The following GABRB1 variants were observed in gnomAD, a reference collection of about 807,000 sequenced individuals.
The protein encoded by GABRB1 is gamma-aminobutyric acid receptor subunit beta-1.
Under a neutral mutation model 51.6 loss-of-function variants are expected in GABRB1, and 17 were observed. The observed-to-expected ratio is 0.33, with a 90% CI of 0.23 to 0.49. GABRB1 has a LOEUF of 0.49. Among genes scored for constraint, GABRB1 ranks in the 20% least tolerant of loss-of-function variants. The pLI is 0.99. For missense variants in GABRB1, 410 were observed against 600.6 expected, an observed-to-expected ratio of 0.68 and a Z score of 3.32; for synonymous variants, 247 against 218.9, an observed-to-expected ratio of 1.13 and a Z score of -1.14.
At chr4:47,287,367 T>G (rs1456703652) in intron 4 of GABRB1, among the ~76,000 whole-genome samples, 1 of 152,248 alleles carries the variant, frequency 6.6e-6, no homozygotes, top group African/African-American at 2.4e-5. Flanking sequence ...TAGAAGCTAT[T>G]AAGGCATCAA....
At chr4:47,141,541 A>G (rs189544310) in intron 3 of GABRB1, among the ~76,000 whole-genome samples, 1 of 151,962 alleles carries the variant, frequency 6.6e-6, no homozygotes, top group Non-Finnish European at 1.5e-5. Flanking sequence ...TTTATGGACT[A>G]TGAAATTCAT....
At chr4:47,304,173 A>T (rs1284522196) in intron 4 of GABRB1, among the ~76,000 whole-genome samples, 1 of 151,960 alleles carries the variant, frequency 6.6e-6, no homozygotes, top group Non-Finnish European at 1.5e-5. Context: ...GACGGATTGC[A>T]GGATCATATG....
At chr4:47,200,426 G>A (rs1325871142) in intron 4 of GABRB1, among the ~76,000 whole-genome samples, 7 of 152,168 alleles carry the variant, frequency 4.6e-5, no homozygotes, top group African/African-American at 1.7e-4. Flanking sequence ...GAAGAGTTTG[G>A]AGTCTGATTA....
At chr4:47,250,347 T>C (rs1721938636) in intron 4 of GABRB1, among the ~76,000 whole-genome samples, 1 of 152,200 alleles carries the variant, frequency 6.6e-6, no homozygotes, top group Non-Finnish European at 1.5e-5. Flanking sequence ...TTTTCCTTTA[T>C]AGGTTACCTG....
chr4:47,279,591 A>G (rs553024396), intron 4 of GABRB1, among the ~76,000 whole-genome samples: 58 of 152,186 alleles, frequency 3.8e-4, no homozygotes, highest in African/African-American at 1.3e-3. Flanking sequence ...AGGTGCTGTA[A>G]TGGGGGTGCA....
intron 1 of GABRB1, among the ~76,000 whole-genome samples, chr4:47,002,066 G>T (rs920353672): frequency 1.5e-4 from 23 of 152,168 alleles, no homozygotes; most frequent in Non-Finnish European, 2.5e-4. Context: ...CTATTACTTA[G>T]ATTCTAAATT....
intron 4 of GABRB1, among the ~76,000 whole-genome samples, chr4:47,291,267 G>T (rs189368098): frequency 1.7e-4 from 26 of 152,156 alleles, no homozygotes; most frequent in African/African-American, 6.3e-4. Context: ...GTGTTGAGCC[G>T]GCGGGTGCAC....
chr4:47,301,379 G>A (rs1724253090), intron 4 of GABRB1, among the ~76,000 whole-genome samples: 1 of 152,156 alleles, frequency 6.6e-6, no homozygotes, highest in South Asian at 2.1e-4. Context: ...GCTCACACCT[G>A]TAATTCCAAC....
intron 1 of GABRB1, among the ~76,000 whole-genome samples, chr4:46,996,552 C>T (rs1001938367): frequency 2.0e-5 from 3 of 152,142 alleles, no homozygotes; most frequent in African/African-American, 7.2e-5. Context: ...TATCTCTCAT[C>T]AAGTTCTTAT....
At chr4:47,101,120 G>T (rs1714702472) in intron 3 of GABRB1, among the ~76,000 whole-genome samples, 1 of 152,000 alleles carries the variant, frequency 6.6e-6, no homozygotes, top group Non-Finnish European at 1.5e-5. Flanking sequence ...TCACCTGGTA[G>T]ACTCCCTTAG....
chr4:47,066,200 G>C (rs1727073438), intron 3 of GABRB1, among the ~76,000 whole-genome samples: 1 of 152,210 alleles, frequency 6.6e-6, no homozygotes, highest in Non-Finnish European at 1.5e-5. Context: ...TATTAAGTGT[G>C]CAATAGCATT....
chr4:47,347,502 T>C (rs765107320), intron 5 of GABRB1, among the ~76,000 whole-genome samples: 4 of 152,184 alleles, frequency 2.6e-5, no homozygotes, highest in African/African-American at 4.8e-5. Flanking sequence ...ATGCCGTATA[T>C]GCTGTTGCCA....
chr4:47,061,702 C>A (rs1256126231), intron 3 of GABRB1, among the ~76,000 whole-genome samples: 1 of 152,174 alleles, frequency 6.6e-6, no homozygotes, highest in Admixed American at 6.5e-5. Flanking sequence ...ACAGTGCAAG[C>A]AAACGTCTCG....
Position 47,008,853 on chromosome 4 carries a change from C to CTTTTTTTTTTTTTTTTTTTTTTT in GABRB1, c.-20+14934_-20+14956dup, listed in dbSNP as rs1491180948. On this transcript the variant is annotated intron_variant, in intron 1 of 3. Coordinates refer to the GABRB1 transcript ENST00000513567. ...ACCCTGTCACGCTATCAGATACTACCTTTTTTTTTTTTTTTTTTTTTTTTT... is the reference window on the plus strand; with the variant it reads ...ACCCTGTCACGCTATCAGATACTACCTTTTTTTTTTTTTTTTTTTTTTTTTTTTTTTTTTTTTTTTTTTTTTTT... Among the ~76,000 whole-genome samples the CTTTTTTTTTTTTTTTTTTTTTTT allele has an allele frequency of 7.5e-5, 6 of 80,096 alleles. 1 individual carries two copies. Among genetic ancestry groups the CTTTTTTTTTTTTTTTTTTTTTTT allele is most frequent in the African/African-American group, 1.6e-4 (3 of 19,008 alleles). 52.5% of individuals were successfully genotyped at this position (80,096 alleles called of 152,430 possible). A position where few individuals can be genotyped will look rare whatever the true frequency, so the allele number is the denominator to read the frequency against.
rs554123582 is a variant in GABRB1 at position 47,390,771 on chromosome 4, G to C, written c.545-12547G>C. On this transcript the variant is annotated intron_variant, in intron 5 of 8. Transcript: ENST00000295454. ...AGTAAATTGATGTTCTCACTCTGTG[G>C]CAAAATGTTCTTGTGTAACCTTTGA... 3.3e-5 allele frequency among the ~76,000 whole-genome samples: 5 copies of C among 152,294 alleles called. No individual in the cohort carries two copies. In the East Asian group the frequency reaches 9.6e-4, roughly 29 times the overall value.
intron 5 of GABRB1, among the ~76,000 whole-genome samples, chr4:47,342,376 A>G (rs1347365106): frequency 6.8e-6 from 1 of 147,548 alleles, no homozygotes. Context: ...TTATTCTACA[A>G]AAGACATGAG....
At chr4:47,322,504 A>C (rs1725119698) in intron 5 of GABRB1, among the ~76,000 whole-genome samples, 1 of 152,228 alleles carries the variant, frequency 6.6e-6, no homozygotes, top group Non-Finnish European at 1.5e-5. Flanking sequence ...TTGTGACATA[A>C]GTATTTGTAA....
At chr4:47,335,596 T>A (rs1243677240) in intron 5 of GABRB1, among the ~76,000 whole-genome samples, 1 of 152,162 alleles carries the variant, frequency 6.6e-6, no homozygotes. Flanking sequence ...TCTTCCTAGT[T>A]TAATGAAGTT....
intron 3 of GABRB1, among the ~76,000 whole-genome samples, chr4:47,128,234 TC>T (rs1716251190): frequency 6.6e-6 from 1 of 151,818 alleles, no homozygotes. Context: ...TTATGGAAAG[TC>T]ATTAAAGTAG....
Sources: gnomAD v4.1 joint callset for allele counts (sites outside exome capture counted in the v4.1 genomes callset) on GRCh38, gnomAD v4.1.1 for gene constraint, MANE v1.5 for transcripts, NCBI Gene and HGNC (gene_info 2026-07-23, HGNC 2026-07-21) for gene names.